Variants in KCTD8 observed in about 807,000 individuals in gnomAD.
KCTD8 encodes the protein potassium channel tetramerization domain containing 8, also known as BTB/POZ domain-containing protein KCTD8.
In KCTD8, 27 loss-of-function variants were observed where a neutral mutation model predicts 31.5. The ratio of observed to expected loss-of-function variants is 0.86; its 90% CI spans 0.63 to 1.18. KCTD8 has a LOEUF of 1.18. KCTD8 is among the 50% of genes most tolerant of loss of function. The probability of loss-of-function intolerance (pLI) is 0.00; values close to 1 mark genes in which losing one functional copy is unlikely to be tolerated. For missense variants in KCTD8, 658 were observed against 647.7 expected (o/e 1.02, Z -0.17); for synonymous variants, 290 against 280.0 (o/e 1.04, Z -0.36).
chr4:44,339,720 A>G (rs935512479), intron 1 of KCTD8, among the ~76,000 whole-genome samples: 1 of 152,184 alleles, frequency 6.6e-6, no homozygotes, highest in Non-Finnish European at 1.5e-5. Flanking sequence ...GCTACAAAAA[A>G]AATTGAGAAG....
chr4:44,195,536 T>C (rs1056085607), intron 1 of KCTD8, among the ~76,000 whole-genome samples: 7 of 152,156 alleles, frequency 4.6e-5, no homozygotes, highest in African/African-American at 1.2e-4. Flanking sequence ...CAAATGAGAA[T>C]TGCTGATGTT....
intron 1 of KCTD8, among the ~76,000 whole-genome samples, chr4:44,400,517 T>C (rs1720620972): frequency 6.6e-6 from 1 of 151,706 alleles, no homozygotes; most frequent in Non-Finnish European, 1.5e-5. Context: ...TCACCTGAGG[T>C]CAGGAGTTCG....
intron 1 of KCTD8, among the ~76,000 whole-genome samples, chr4:44,227,907 TC>T (rs1320105634): frequency 6.6e-6 from 1 of 152,216 alleles, no homozygotes; most frequent in Non-Finnish European, 1.5e-5. Context: ...TATTTCATAC[TC>T]CTGTCATTCT....
chr4:44,317,777 C>G (rs754317326), intron 1 of KCTD8, among the ~76,000 whole-genome samples: 2 of 152,202 alleles, frequency 1.3e-5, no homozygotes, highest in Non-Finnish European at 2.9e-5. Flanking sequence ...AGTTTGCCAA[C>G]TCTTGATGAA....
At chr4:44,187,977 AC>A in intron 1 of KCTD8, among the ~76,000 whole-genome samples, 1 of 151,554 alleles carries the variant, frequency 6.6e-6, no homozygotes, top group African/African-American at 2.4e-5. Context: ...ACACACACAC[AC>A]ACACACACAC....
At chr4:44,375,206 G>A (rs756587850) in intron 1 of KCTD8, among the ~76,000 whole-genome samples, 5 of 152,192 alleles carry the variant, frequency 3.3e-5, no homozygotes, top group East Asian at 3.9e-4. Context: ...GAGCAGGGGC[G>A]GCCTGCTGAG....
At chr4:44,220,616 C>A (rs73245588) in intron 1 of KCTD8, among the ~76,000 whole-genome samples, 109 of 152,238 alleles carry the variant, frequency 7.2e-4, no homozygotes, top group Non-Finnish European at 1.1e-3. Flanking sequence ...ATGTATCTTG[C>A]CACATTACGT....
At chr4:44,226,654 C>T (rs755792462) in intron 1 of KCTD8, among the ~76,000 whole-genome samples, 11 of 152,286 alleles carry the variant, frequency 7.2e-5, no homozygotes, top group Non-Finnish European at 1.2e-4. Context: ...TATACTCCCA[C>T]CAACAGTGTA....
intron 1 of KCTD8, among the ~76,000 whole-genome samples, chr4:44,283,940 AAGG>A (rs1716980455): frequency 6.6e-6 from 1 of 152,188 alleles, no homozygotes; most frequent in Non-Finnish European, 1.5e-5. Context: ...GGACCTCTTC[AAGG>A]AGAAGTACAG....
intron 1 of KCTD8, among the ~76,000 whole-genome samples, chr4:44,233,380 T>A (rs948941455): frequency 6.6e-6 from 1 of 152,202 alleles, no homozygotes; most frequent in Non-Finnish European, 1.5e-5. Flanking sequence ...AATCTAATAA[T>A]CACAAATACA....
At chr4:44,265,594 C>T (rs767766728) in intron 1 of KCTD8, among the ~76,000 whole-genome samples, 15 of 152,164 alleles carry the variant, frequency 9.9e-5, no homozygotes, top group South Asian at 2.1e-4. Flanking sequence ...CAAACTACTC[C>T]GAGCTACAGG....
intron 1 of KCTD8, among the ~76,000 whole-genome samples, chr4:44,181,055 T>C (rs1000916650): frequency 2.6e-5 from 4 of 152,158 alleles, no homozygotes; most frequent in Non-Finnish European, 5.9e-5. Flanking sequence ...ACATCTATTC[T>C]TACTGGTGAA....
chr4:44,411,305 G>A (rs1720948088), intron 1 of KCTD8, among the ~76,000 whole-genome samples: 1 of 145,872 alleles, frequency 6.9e-6, no homozygotes, highest in Admixed American at 7.0e-5. Flanking sequence ...CTGATCCCAA[G>A]AGGTCGAGGC....
At chr4:44,303,767 T>C (rs1053361006) in intron 1 of KCTD8, among the ~76,000 whole-genome samples, 13 of 151,808 alleles carry the variant, frequency 8.6e-5, no homozygotes, top group African/African-American at 3.1e-4. Context: ...GAACTGAAAT[T>C]GCACCATTGC....
intron 1 of KCTD8, among the ~76,000 whole-genome samples, chr4:44,325,715 A>G (rs1718425919): frequency 6.6e-6 from 1 of 151,956 alleles, no homozygotes; most frequent in South Asian, 2.1e-4. Context: ...AGGCACAAAG[A>G]TATTATCGGC....
chr4:44,180,628 C>G (rs1390471360), intron 1 of KCTD8, among the ~76,000 whole-genome samples: 1 of 151,286 alleles, frequency 6.6e-6, no homozygotes, highest in Non-Finnish European at 1.5e-5. Context: ...CACTTAGATG[C>G]ATTTATTATG....
intron 1 of KCTD8, among the ~76,000 whole-genome samples, chr4:44,365,568 T>C (rs1719610575): frequency 1.3e-5 from 2 of 152,018 alleles, no homozygotes; most frequent in Non-Finnish European, 2.9e-5. Flanking sequence ...AGTCAAAAGG[T>C]ATCACCTGTA....
intron 1 of KCTD8, among the ~76,000 whole-genome samples, chr4:44,218,530 G>A (rs935078626): frequency 6.7e-6 from 1 of 150,344 alleles, no homozygotes; most frequent in East Asian, 1.9e-4. Flanking sequence ...ATTTCACATT[G>A]CATGCCTGTA....
At chr4:44,430,023 T>TG in intron 1 of KCTD8, among the ~76,000 whole-genome samples, 1 of 147,566 alleles carries the variant, frequency 6.8e-6, no homozygotes, top group East Asian at 2.1e-4. Flanking sequence ...GTGATGTAAC[T>TG]GGGGGGTTTA....
Sources: allele counts gnomAD v4.1 joint callset (sites outside exome capture counted in the v4.1 genomes callset), GRCh38; gene constraint gnomAD v4.1.1; transcripts MANE v1.5; gene names NCBI Gene and HGNC (gene_info 2026-07-23, HGNC 2026-07-21).